The following VPS8 variants were observed in gnomAD, a reference collection of about 807,000 sequenced individuals.
The protein encoded by VPS8 is vacuolar protein sorting-associated protein 8 homolog.
A neutral mutation model predicts 216.4 loss-of-function variants in VPS8; 129 were observed. The observed-to-expected ratio is 0.60, with a 90% confidence interval of 0.52 to 0.69. The LOEUF is 0.69. Among genes scored for constraint, VPS8 ranks in the 30% least tolerant of loss-of-function variants. The pLI is 0.00. For missense variants in VPS8, 1,531 were observed against 1,683.5 expected, an observed-to-expected ratio of 0.91 and a Z score of 1.59; for synonymous variants, 571 against 565.4, an observed-to-expected ratio of 1.01 and a Z score of -0.14.
intron 16 of VPS8, 33 bp from the exon 17 acceptor site, chr3:184,866,843 T>C: frequency 6.3e-7 from 1 of 1,588,308 alleles, no homozygotes; most frequent in South Asian, 1.2e-5. Flanking sequence ...AAGGAATTTT[T>C]TTACCTTTTT....
rs747043848 is a variant in VPS8, at chr3:185,051,971, C to G, written c.4233C>G (p.Phe1411Leu). The change falls in exon 48 of 48, where the codon TTC becomes TTG. Residue 1411 changes from phenylalanine (F) to leucine (L), a missense_variant. By Grantham distance (22) the Phe-to-Leu change is conservative. Transcript: ENST00000625842. ...GTGCTCCTGCTTTCAACAGCATCTT[C>G]CAGAATGAGAACTTCCAGCTGCAGC... ...SQSAPAFNSI[F>L]QNENFQLQLI... 2 of 1,613,630 alleles carry G rather than the reference C, an allele frequency of 1.2e-6. No homozygotes were observed. The highest frequency in any genetic ancestry group is 3.3e-5 in the Admixed American group (2 of 59,992).
At chr3:184,946,556 C>T (rs1012254353) in intron 36 of VPS8, among the ~76,000 whole-genome samples, 1 of 152,202 alleles carries the variant, frequency 6.6e-6, no homozygotes, top group Non-Finnish European at 1.5e-5. Flanking sequence ...AAAGCTCTTT[C>T]AGTTCCCATT....
intron 43 of VPS8, among the ~76,000 whole-genome samples, chr3:184,994,947 G>A (rs1199619381): frequency 2.0e-5 from 3 of 152,280 alleles, no homozygotes; most frequent in Non-Finnish European, 4.4e-5. Flanking sequence ...AGCTTGTGCA[G>A]GGAAACTCCC....
chr3:184,894,508 G>GTTTATATATATA (rs1553857846), intron 22 of VPS8, among the ~76,000 whole-genome samples, 195 bp from the exon 23 acceptor site: 1 of 133,128 alleles, frequency 7.5e-6, no homozygotes, highest in Non-Finnish European at 1.6e-5. Context: ...ATATACACAC[G>GTTTATATATATA]TATATATATA....
At chr3:185,026,701 C>CTTTTT (rs1165255623) in intron 46 of VPS8, among the ~76,000 whole-genome samples, 22 of 85,968 alleles carry the variant, frequency 2.6e-4, no homozygotes, top group Non-Finnish European at 4.3e-4. Flanking sequence ...GAGCCACTGT[C>CTTTTT]TTTTTTTTTT....
rs1008243988 is a variant in VPS8, at chr3:184,832,598, C to T, written c.223-91C>T. The stretch of plus-strand genomic sequence containing the variant: ...TAGAGGCGAAAAGCAGAAATAAGCA[C>T]TTGTGTGCTCTGGAGAAACCCATTA... On this transcript the variant is annotated intron_variant, in intron 3 of 47. Coordinates refer to ENST00000625842, the MANE Select transcript of VPS8 (RefSeq NM_001009921.3). 4.2e-6 allele frequency: 5 copies of T among 1,176,966 alleles called. 1 individual carries two copies. Among genetic ancestry groups the T allele is most frequent in the Non-Finnish European group, 1.2e-6 (1 of 848,884 alleles). 72.9% of individuals were successfully genotyped at this position (1,176,966 alleles called of 1,614,324 possible).
intron 25 of VPS8, among the ~76,000 whole-genome samples, chr3:184,904,548 T>C (rs1220714294): frequency 1.3e-5 from 2 of 152,224 alleles, no homozygotes; most frequent in African/African-American, 4.8e-5. Context: ...AAATCTCACT[T>C]GGTATATAAT....
intron 35 of VPS8, among the ~76,000 whole-genome samples, chr3:184,937,862 T>C (rs114443915): frequency 0.011 from 1,700 of 152,248 alleles, 27 homozygotes; most frequent in African/African-American, 0.039. Context: ...GGGGAGGAGC[T>C]AAACTAGAGG....
intron 45 of VPS8, among the ~76,000 whole-genome samples, chr3:185,015,448 G>A (rs1755654840): frequency 6.6e-6 from 1 of 152,190 alleles, no homozygotes; most frequent in Non-Finnish European, 1.5e-5. Context: ...ACATTAACAG[G>A]CATATCAAAA....
chr3:185,026,410 C>CTTTTT (rs3045678), intron 46 of VPS8, among the ~76,000 whole-genome samples: 1 of 119,120 alleles, frequency 8.4e-6, no homozygotes. Context: ...GGCTGTATTT[C>CTTTTT]TTTTTTTTTT....
At chr3:184,830,632 A>G (rs1364563558) in intron 3 of VPS8, among the ~76,000 whole-genome samples, 10 of 152,122 alleles carry the variant, frequency 6.6e-5, no homozygotes, top group African/African-American at 2.4e-4. Context: ...TTATCCTGTA[A>G]GCCTGGCTTA....
chr3:184,966,799 A>G (rs1747482846), intron 39 of VPS8, 86 bp downstream of exon 39: 1 of 998,062 alleles, frequency 1.0e-6, no homozygotes, highest in East Asian at 2.5e-5. Flanking sequence ...TTATTATGTA[A>G]TAATTACACT....
chr3:185,037,757 A>G (rs1347267709), intron 46 of VPS8, among the ~76,000 whole-genome samples: 1 of 151,982 alleles, frequency 6.6e-6, no homozygotes, highest in Non-Finnish European at 1.5e-5. Flanking sequence ...TGTCTTGTGA[A>G]TTTGTTTCAG....
chr3:184,858,573 G>A (rs550389177), intron 14 of VPS8, among the ~76,000 whole-genome samples: 1 of 152,306 alleles, frequency 6.6e-6, no homozygotes, highest in South Asian at 2.1e-4. Flanking sequence ...CTGTATGGTG[G>A]ATCGAATTGC....
At chr3:184,835,810 T>C (rs1041207511) in intron 5 of VPS8, among the ~76,000 whole-genome samples, 1 of 150,434 alleles carries the variant, frequency 6.6e-6, no homozygotes. Flanking sequence ...CCCGGATTCA[T>C]GTCATTCTCC....
intron 3 of VPS8, among the ~76,000 whole-genome samples, chr3:184,829,189 A>G (rs1226590772): frequency 1.3e-5 from 2 of 152,126 alleles, no homozygotes; most frequent in African/African-American, 2.4e-5. Context: ...ATACTTACAC[A>G]CATTTCTGGT....
chr3:185,000,058 G>A (rs1239040753), intron 45 of VPS8, among the ~76,000 whole-genome samples, 197 bp downstream of exon 45: 1 of 152,160 alleles, frequency 6.6e-6, no homozygotes, highest in Non-Finnish European at 1.5e-5. Flanking sequence ...ACATGAATTT[G>A]AGAGCAACAG....
chr3:184,999,868 C>A lies in VPS8; in HGVS notation c.4002+7C>A. 6.3e-7 allele frequency: 1 copy of A among 1,597,840 alleles called. No individual in the cohort carries two copies. Among genetic ancestry groups the A allele is most frequent in the Non-Finnish European group, 8.5e-7 (1 of 1,173,466 alleles). Reference sequence around the variant, plus strand: ...AAGGATAACCCCATCACAGGTAAGACTTGTTTTCGTGGCAAAATGGAAATG... The same window carrying A: ...AAGGATAACCCCATCACAGGTAAGAATTGTTTTCGTGGCAAAATGGAAATG... On this transcript the variant is annotated splice_region_variant and intron_variant, in intron 45 of 47. Transcript: ENST00000625842.
rs753256589 is a variant in VPS8 at position 184,852,483 on chromosome 3, A to T, written c.754-17A>T. On this transcript the variant is annotated splice_polypyrimidine_tract_variant and intron_variant, in intron 10 of 47. Transcript: ENST00000625842. ...TGTTTAAAAATGTACAAGAAAATAA[A>T]TTCCTTCTCTGTTTAGTTTACAGAT... 5 of 1,607,238 alleles carry T rather than the reference A, an allele frequency of 3.1e-6. No individual in the cohort carries two copies. In the East Asian group the frequency reaches 8.9e-5, roughly 29 times the overall value.
Sources: gnomAD v4.1 joint callset for allele counts (sites outside exome capture counted in the v4.1 genomes callset) on GRCh38, gnomAD v4.1.1 for gene constraint, MANE v1.5 for transcripts, NCBI Gene and HGNC (gene_info 2026-07-23, HGNC 2026-07-21) for gene names.